The following TRAP1 variants were observed in gnomAD, a reference collection of about 807,000 sequenced individuals.
TRAP1 encodes heat shock protein 75 kDa, mitochondrial.
Under a neutral mutation model 89.1 loss-of-function variants are expected in TRAP1, and 102 were observed. That is an observed-to-expected ratio of 1.15 (90% CI 0.98 to 1.35). The LOEUF is 1.35. TRAP1 is among the 40% of genes most tolerant of loss of function. TRAP1 has a pLI of 0.00. For synonymous variants in TRAP1, 508 were observed against 388.0 expected (o/e 1.31, Z -3.64); for missense variants, 1,256 against 945.3 (o/e 1.33, Z -4.31).
chr16:3,707,325 ACAGGCGCCCACCACCACACC>A (rs2051462038), intron 1 of TRAP1, among the ~76,000 whole-genome samples: 1 of 149,870 alleles, frequency 6.7e-6, no homozygotes, highest in South Asian at 2.1e-4. Context: ...AGCTGGGACT[ACAGGCGCCCACCACCACACC>A]CGGCTAATGT....
intron 11 of TRAP1, among the ~76,000 whole-genome samples, chr16:3,669,086 A>T (rs2050875549): frequency 6.6e-6 from 1 of 152,052 alleles, no homozygotes; most frequent in African/African-American, 2.4e-5. Flanking sequence ...TCCTGTGGCC[A>T]CTCCTGGGCA....
At chr16:3,711,998 ATTCT>A (rs1387638508) in intron 1 of TRAP1, among the ~76,000 whole-genome samples, 1 of 152,110 alleles carries the variant, frequency 6.6e-6, no homozygotes. Flanking sequence ...CGCTATCAAG[ATTCT>A]TTGTCAGGCC....
rs377116981 is a variant in TRAP1 at position 3,662,158 on chromosome 16, G to A, written c.1795-26C>T. ...CTGTGAGCAAAGCCCGGGGTTGAGG[G>A]TGATAGAGGTTCCCAATGTGAGAGG... On this transcript the variant is annotated intron_variant, in intron 15 of 17. Coordinates refer to ENST00000246957, the MANE Select transcript of TRAP1 (RefSeq NM_016292.3). 23 of 1,596,090 alleles carry A rather than the reference G, an allele frequency of 1.4e-5. No individual in the cohort carries two copies. In the African/African-American group the frequency reaches 1.9e-4, roughly 13 times the overall value.
rs73489732 is a variant in TRAP1 at position 3,679,236 on chromosome 16, G to A, written c.543+483C>T. Among the ~76,000 whole-genome samples, 626 of 152,192 alleles carry A rather than the reference G, an allele frequency of 4.1e-3. 5 individuals carry two copies. The highest frequency in any genetic ancestry group is 0.014 in the African/African-American group (597 of 41,522). On this transcript the variant is annotated intron_variant, in intron 5 of 17. Transcript: ENST00000246957. ...AACCGGGAGGCAGAGGTTGCAGTGA[G>A]CCAATACAGTTGGTCCTCCTATCTA...
intron 1 of TRAP1, among the ~76,000 whole-genome samples, chr16:3,693,970 C>G (rs1227238629): frequency 1.4e-5 from 2 of 146,698 alleles, no homozygotes; most frequent in Non-Finnish European, 3.0e-5. Context: ...TTCTGCACTT[C>G]AGGCTGGGTG....
chr16:3,660,955 G>C (rs1044651078), intron 16 of TRAP1: 2 of 63,750 alleles, frequency 3.1e-5, no homozygotes, highest in Admixed American at 2.1e-4. Flanking sequence ...GCTACATTGT[G>C]GGGGGGGTGG....
intron 4 of TRAP1, among the ~76,000 whole-genome samples, chr16:3,682,102 T>A (rs987909842): frequency 1.3e-5 from 2 of 152,102 alleles, no homozygotes; most frequent in Non-Finnish European, 2.9e-5. Context: ...GGTAATTCAA[T>A]GGGGGATGAT....
At chr16:3,693,130 G>A (rs1175365841) in intron 1 of TRAP1, among the ~76,000 whole-genome samples, 1 of 151,500 alleles carries the variant, frequency 6.6e-6, no homozygotes, top group East Asian at 1.9e-4. Context: ...TGTATTTTTA[G>A]TAGAGACGAG....
rs145572682 is a variant in TRAP1, at chr16:3,658,757, T to A, written c.2013+36A>T. On this transcript the variant is annotated intron_variant, in intron 17 of 17. Transcript: ENST00000246957. The stretch of plus-strand genomic sequence containing the variant: ...AGGCAGGCTGGCAGGGCTGGTAGCC[T>A]GGGTCCCTGCAGTCATCCTAAGCTG... 297 of 1,594,166 alleles carry A rather than the reference T, an allele frequency of 1.9e-4. 3 individuals are homozygous for A. In the East Asian group the frequency reaches 6.6e-3, roughly 35 times the overall value.
At chr16:3,693,757 C>T (rs982002133) in intron 1 of TRAP1, among the ~76,000 whole-genome samples, 2 of 152,106 alleles carry the variant, frequency 1.3e-5, no homozygotes, top group Non-Finnish European at 2.9e-5. Context: ...CTTTGGGAGG[C>T]CAAGGCAGGA....
intron 3 of TRAP1, among the ~76,000 whole-genome samples, chr16:3,686,650 G>C (rs921807370): frequency 6.6e-6 from 1 of 152,062 alleles, no homozygotes. Flanking sequence ...CTGAAGTTAC[G>C]TGTCCATCTG....
chr16:3,692,188 G>C (rs2051223545), intron 1 of TRAP1, among the ~76,000 whole-genome samples: 2 of 152,152 alleles, frequency 1.3e-5, no homozygotes, highest in South Asian at 2.1e-4. Flanking sequence ...TCACAAATTT[G>C]TAACAAGTAG....
At chr16:3,672,966 A>C in intron 9 of TRAP1, 146 bp from the exon 10 acceptor site, 2 of 1,289,432 alleles carry the variant, frequency 1.6e-6, no homozygotes, top group Non-Finnish European at 2.1e-6. Flanking sequence ...AGCCCAGTGC[A>C]GGGGCCCCAC....
At chr16:3,663,282 G>C (rs574408224) in intron 14 of TRAP1, 142 bp downstream of exon 14, 1 of 1,090,934 alleles carries the variant, frequency 9.2e-7, no homozygotes, top group South Asian at 1.6e-5. Flanking sequence ...CCAGTCACCA[G>C]GGTGCTCCCA....
intron 1 of TRAP1, among the ~76,000 whole-genome samples, chr16:3,705,572 G>A (rs964511423): frequency 1.6e-4 from 24 of 152,134 alleles, no homozygotes; most frequent in African/African-American, 4.8e-4. Flanking sequence ...AGTCTTTGGG[G>A]TTCATCCACA....
chr16:3,706,554 G>C (rs985601853), intron 1 of TRAP1, among the ~76,000 whole-genome samples: 1 of 150,140 alleles, frequency 6.7e-6, no homozygotes, highest in African/African-American at 2.5e-5. Flanking sequence ...CAAACTCCTG[G>C]GCTCGAGCAA....
At chr16:3,695,118 C>T (rs141217345) in intron 1 of TRAP1, among the ~76,000 whole-genome samples, 6 of 152,226 alleles carry the variant, frequency 3.9e-5, no homozygotes, top group African/African-American at 1.4e-4. Flanking sequence ...TAGGGCCCAC[C>T]CAAGTGAACT....
At chr16:3,683,307 G>C (rs1228582864) in intron 4 of TRAP1, among the ~76,000 whole-genome samples, 1 of 152,004 alleles carries the variant, frequency 6.6e-6, no homozygotes. Flanking sequence ...TAAAAACTAA[G>C]GAAACCTGAA....
chr16:3,707,337 C>A (rs1056293557), intron 1 of TRAP1, among the ~76,000 whole-genome samples: 2 of 149,744 alleles, frequency 1.3e-5, no homozygotes, highest in Non-Finnish European at 3.0e-5. Flanking sequence ...AGGCGCCCAC[C>A]ACCACACCCG....
Sources: gnomAD v4.1 joint callset for allele counts (sites outside exome capture counted in the v4.1 genomes callset) on GRCh38, gnomAD v4.1.1 for gene constraint, MANE v1.5 for transcripts, NCBI Gene and HGNC (gene_info 2026-07-23, HGNC 2026-07-21) for gene names.